MAPK8: variants seen among roughly 807,000 people sequenced by gnomAD.
MAPK8 encodes the protein JUN N-terminal kinase.
Under a neutral mutation model 52.9 loss-of-function variants are expected in MAPK8, and 13 were observed. The observed-to-expected ratio is 0.25, with a 90% CI of 0.16 to 0.39. The LOEUF (loss-of-function observed/expected upper bound fraction) is 0.39, where lower values mean the gene tolerates loss of function less well. Ranked by LOEUF, MAPK8 falls within the 10% of genes least tolerant of loss-of-function variation. The pLI, the probability that MAPK8 is intolerant of heterozygous loss-of-function variation, is 1.00. For missense variants in MAPK8, 300 were observed against 519.2 expected (o/e 0.58, Z 4.10); for synonymous variants, 191 against 169.8 (o/e 1.12, Z -0.97).
intron 2 of MAPK8, among the ~76,000 whole-genome samples, chr10:48,404,650 T>TC (rs1422757066): frequency 6.6e-6 from 1 of 152,148 alleles, no homozygotes; most frequent in African/African-American, 2.4e-5. Context: ...TCTATTTGGA[T>TC]CCATTAGCAT....
At chr10:48,392,712 A>T (rs908943116) in intron 1 of MAPK8, among the ~76,000 whole-genome samples, 1 of 151,976 alleles carries the variant, frequency 6.6e-6, no homozygotes, top group Non-Finnish European at 1.5e-5. Flanking sequence ...AAACATGTTC[A>T]GGTTGTCTCT....
intron 5 of MAPK8, 80 bp from the exon 6 acceptor site, chr10:48,420,075 G>A (rs1366898856): frequency 1.0e-6 from 1 of 1,001,752 alleles, no homozygotes; most frequent in Non-Finnish European, 1.5e-6. Flanking sequence ...TGTTTTGCAA[G>A]GGATAGTATA....
At position 48,435,732 on chromosome 10, in the gene MAPK8, C is replaced by T. The variant is rs2044802024; in HGVS notation, c.*703C>T. ...CTGGGCGTCTACCACCACCTTATGT[C>T]CCCACCCTACCCAACAAAAATAAGT... On this transcript the variant is annotated 3_prime_UTR_variant, in exon 12 of 12. Transcript: ENST00000374189. The T allele has an allele frequency of 6.6e-6, 1 of 152,184 alleles. No individual in the cohort carries two copies. The highest frequency in any genetic ancestry group is 2.4e-5 in the African/African-American group (1 of 41,426). The allele number at this position is 152,184 out of a possible 1,614,324, so 9.4% of individuals were successfully genotyped here.
intron 1 of MAPK8, among the ~76,000 whole-genome samples, chr10:48,376,973 C>T (rs183210237): frequency 6.6e-6 from 1 of 152,224 alleles, no homozygotes; most frequent in Admixed American, 6.5e-5. Context: ...AACCCAAATG[C>T]CCAACAGTGA....
intron 1 of MAPK8, among the ~76,000 whole-genome samples, chr10:48,375,285 A>G (rs2040587148): frequency 6.6e-6 from 1 of 152,242 alleles, no homozygotes. Context: ...CCAATATTGT[A>G]CTGATTGGGC....
chr10:48,401,876 C>A, intron 2 of MAPK8, 94 bp downstream of exon 2: 1 of 1,069,704 alleles, frequency 9.3e-7, no homozygotes, highest in Non-Finnish European at 1.3e-6. Context: ...ATTTAACTTG[C>A]TTTGAAAAAT....
At chr10:48,402,127 C>T (rs546298028) in intron 2 of MAPK8, among the ~76,000 whole-genome samples, 6 of 152,222 alleles carry the variant, frequency 3.9e-5, no homozygotes, top group Non-Finnish European at 7.4e-5. Context: ...TTTAGATTCT[C>T]GAGCATTTTA....
chr10:48,354,899 A>G (rs1370673645), intron 1 of MAPK8, among the ~76,000 whole-genome samples: 1 of 152,150 alleles, frequency 6.6e-6, no homozygotes, highest in African/African-American at 2.4e-5. Context: ...GCTAACAGAA[A>G]TTCTCTTTGG....
intron 1 of MAPK8, among the ~76,000 whole-genome samples, chr10:48,366,785 T>A (rs957215499): frequency 2.6e-5 from 4 of 152,084 alleles, no homozygotes; most frequent in Non-Finnish European, 4.4e-5. Context: ...GTTGAAAAAT[T>A]TTTTTTCTTT....
intron 5 of MAPK8, among the ~76,000 whole-genome samples, chr10:48,415,934 TA>T (rs1206152554): frequency 6.6e-6 from 1 of 152,200 alleles, no homozygotes; most frequent in Non-Finnish European, 1.5e-5. Context: ...AAAGTGGAGC[TA>T]ATGAGATCTA....
intron 1 of MAPK8, among the ~76,000 whole-genome samples, chr10:48,400,777 A>G (rs2042119719): frequency 6.6e-6 from 1 of 152,180 alleles, no homozygotes; most frequent in South Asian, 2.1e-4. Flanking sequence ...CTTTGCATAC[A>G]TTTTGGAATA....
At chr10:48,420,108 T>G in intron 5 of MAPK8, 47 bp from the exon 6 acceptor site, 1 of 1,395,542 alleles carries the variant, frequency 7.2e-7, no homozygotes, top group Admixed American at 1.9e-5. Flanking sequence ...ACTGTAGGAT[T>G]TTCCTATATA....
intron 1 of MAPK8, among the ~76,000 whole-genome samples, chr10:48,330,658 GGCAGGTACA>G (rs1388605514): frequency 6.6e-6 from 1 of 152,148 alleles, no homozygotes; most frequent in Non-Finnish European, 1.5e-5. Context: ...GCACACCCGG[GGCAGGTACA>G]GCAGGTAATT....
At chr10:48,388,748 G>GTGTC (rs538876833) in intron 1 of MAPK8, among the ~76,000 whole-genome samples, 76 of 152,248 alleles carry the variant, frequency 5.0e-4, no homozygotes, top group African/African-American at 1.8e-3. Flanking sequence ...TTTGGTGCTA[G>GTGTC]TGTCAGCAGT....
chr10:48,364,018 G>A (rs1847808307), intron 1 of MAPK8, among the ~76,000 whole-genome samples: 1 of 152,098 alleles, frequency 6.6e-6, no homozygotes, highest in Non-Finnish European at 1.5e-5. Context: ...TTCAAACTAG[G>A]CATGCAGTTA....
At chr10:48,422,881 T>C (rs954253812) in intron 6 of MAPK8, among the ~76,000 whole-genome samples, 4 of 152,228 alleles carry the variant, frequency 2.6e-5, no homozygotes, top group African/African-American at 9.6e-5. Flanking sequence ...AGCCTTTTAA[T>C]AAGAATGTAC....
intron 5 of MAPK8, among the ~76,000 whole-genome samples, chr10:48,419,468 A>G (rs2043231979): frequency 6.6e-6 from 1 of 152,194 alleles, no homozygotes; most frequent in Admixed American, 6.5e-5. Flanking sequence ...AGAATATGTT[A>G]AAGTAGGGGC....
chr10:48,355,172 GA>G (rs1377943644), intron 1 of MAPK8, among the ~76,000 whole-genome samples: 4 of 152,144 alleles, frequency 2.6e-5, no homozygotes, highest in African/African-American at 7.2e-5. Flanking sequence ...AAAATAGCTA[GA>G]ATTTATACAA....
intron 5 of MAPK8, among the ~76,000 whole-genome samples, chr10:48,412,209 T>A (rs1246518503): frequency 6.6e-6 from 1 of 152,216 alleles, no homozygotes; most frequent in Non-Finnish European, 1.5e-5. Flanking sequence ...CAGTGATAAA[T>A]CAGCTGTTAA....
Sources: allele counts gnomAD v4.1 joint callset (sites outside exome capture counted in the v4.1 genomes callset), GRCh38; gene constraint gnomAD v4.1.1; transcripts MANE v1.5; gene names NCBI Gene and HGNC (gene_info 2026-07-23, HGNC 2026-07-21).